Variants in R3HCC1L observed in about 807,000 individuals in gnomAD.
R3HCC1L encodes the protein R3H domain and coiled-coil containing 1 like, also known as coiled-coil domain-containing protein R3HCC1L.
R3HCC1L carries 51 observed loss-of-function variants against 59.9 expected under a neutral mutation model. The observed-to-expected ratio is 0.85, with a 90% confidence interval of 0.68 to 1.07. The LOEUF (loss-of-function observed/expected upper bound fraction) is 1.07, where lower values mean the gene tolerates loss of function less well. Ranked by LOEUF, R3HCC1L falls within the 50% of genes least tolerant of loss-of-function variation. The probability of loss-of-function intolerance (pLI) is 0.00; values close to 1 mark genes in which losing one functional copy is unlikely to be tolerated. For missense variants in R3HCC1L, 965 were observed against 933.0 expected, an observed-to-expected ratio of 1.03 and a Z score of -0.45; for synonymous variants, 322 against 315.2, an observed-to-expected ratio of 1.02 and a Z score of -0.23.
At chr10:98,191,487 T>C (rs572278510) in intron 4 of R3HCC1L, among the ~76,000 whole-genome samples, 22 of 152,312 alleles carry the variant, frequency 1.4e-4, no homozygotes, top group African/African-American at 5.1e-4. Flanking sequence ...CTTTGCCCGC[T>C]TTTGATGGGG....
intron 1 of R3HCC1L, among the ~76,000 whole-genome samples, chr10:98,142,886 G>C (rs1245138277): frequency 1.3e-5 from 2 of 152,022 alleles, no homozygotes; most frequent in African/African-American, 2.4e-5. Flanking sequence ...AGTGAGCTGA[G>C]GTTATGCCAC....
At chr10:98,177,851 A>G (rs967716709) in intron 4 of R3HCC1L, among the ~76,000 whole-genome samples, 9 of 152,162 alleles carry the variant, frequency 5.9e-5, no homozygotes, top group African/African-American at 2.2e-4. Flanking sequence ...ATCTGTTCAT[A>G]TAATTTGCCC....
At chr10:98,211,157 A>G (rs1853521409) in intron 5 of R3HCC1L, 1 of 559,258 alleles carries the variant, frequency 1.8e-6, no homozygotes, top group Non-Finnish European at 3.2e-6. Context: ...ATATGTACGT[A>G]TGTGTGTTTT....
At chr10:98,152,490 T>C (rs866483538) in intron 1 of R3HCC1L, among the ~76,000 whole-genome samples, 1,446 of 79,950 alleles carry the variant, frequency 0.018, 18 homozygotes, top group South Asian at 0.039. Flanking sequence ...CCGGCCGCCA[T>C]CCCGTCTAGG....
intron 5 of R3HCC1L, among the ~76,000 whole-genome samples, chr10:98,218,806 A>G (rs1854523897): frequency 1.3e-5 from 2 of 152,052 alleles, no homozygotes; most frequent in African/African-American, 4.8e-5. Flanking sequence ...ATTGGAGTCT[A>G]TTTCTTCCTT....
intron 5 of R3HCC1L, among the ~76,000 whole-genome samples, chr10:98,229,612 A>G (rs1856114539): frequency 6.6e-6 from 1 of 152,174 alleles, no homozygotes; most frequent in South Asian, 2.1e-4. Flanking sequence ...AACTTCCAAC[A>G]CTATGTTGAA....
chr10:98,164,019 G>A (rs1590488370), intron 4 of R3HCC1L, among the ~76,000 whole-genome samples: 1 of 151,996 alleles, frequency 6.6e-6, no homozygotes. Context: ...ATCTAATGAT[G>A]ATCTTTTGAG....
At chr10:98,176,382 C>T (rs1000398094) in intron 4 of R3HCC1L, among the ~76,000 whole-genome samples, 1 of 152,150 alleles carries the variant, frequency 6.6e-6, no homozygotes, top group African/African-American at 2.4e-5. Context: ...TGAGGCATCT[C>T]ATTTATGATC....
At chr10:98,198,549 GAA>G (rs35603748) in intron 4 of R3HCC1L, among the ~76,000 whole-genome samples, 3 of 147,204 alleles carry the variant, frequency 2.0e-5, no homozygotes, top group Admixed American at 6.8e-5. Flanking sequence ...TCGTTTTCAG[GAA>G]AAAAAAAAAA....
chr10:98,185,315 T>G (rs1452850803), intron 4 of R3HCC1L, among the ~76,000 whole-genome samples: 1 of 152,200 alleles, frequency 6.6e-6, no homozygotes, highest in African/African-American at 2.4e-5. Context: ...TTAATAATAC[T>G]TTCTCTAATG....
intron 8 of R3HCC1L, 85 bp from the exon 9 acceptor site, chr10:98,235,939 A>T (rs1203052776): frequency 5.0e-6 from 7 of 1,410,512 alleles, no homozygotes; most frequent in Admixed American, 2.1e-5. Flanking sequence ...TCTATTTTGT[A>T]TGTTAATTAC....
chr10:98,160,602 G>T (rs1472387044), intron 2 of R3HCC1L, among the ~76,000 whole-genome samples: 1 of 152,082 alleles, frequency 6.6e-6, no homozygotes, highest in Non-Finnish European at 1.5e-5. Flanking sequence ...TCTCCCTGGG[G>T]TTATGTTACT....
In R3HCC1L at chr10:98,208,435, G is replaced by C. The variant is rs1231844150; in HGVS notation, c.321G>C (p.Lys107Asn). Residue 107 changes from lysine to asparagine, a missense_variant, in exon 5 of 10, where the codon AAG (lysine) becomes AAC (asparagine). Physicochemically the swap from Lys to Asn is moderately conservative, Grantham distance 94 (BLOSUM62 0). Transcript: ENST00000298999. ...CLQKTNRVCS[K>N]RGTTESKEVL... Reference sequence around the variant, plus strand: ...AAAAAACAAATAGAGTTTGTTCTAAGAGAGGAACCACTGAATCCAAAGAAG... The same window carrying C: ...AAAAAACAAATAGAGTTTGTTCTAACAGAGGAACCACTGAATCCAAAGAAG... 3.7e-6 allele frequency: 6 copies of C among 1,614,112 alleles called. No homozygotes were observed. The Admixed American group carries it at 1.0e-4, about 27-fold the overall frequency.
Position 98,180,507 on chromosome 10 carries a change from A to G in R3HCC1L, c.-15+17110A>G, listed in dbSNP as rs200504370. Reference sequence around the variant, plus strand: ...CGTGGTCAGTTTTGGAATACGTGCCATGTGGTGCTGAGAAGAATGTATATT... The same window carrying G: ...CGTGGTCAGTTTTGGAATACGTGCCGTGTGGTGCTGAGAAGAATGTATATT... On this transcript the variant is annotated intron_variant, in intron 4 of 9. Coordinates refer to ENST00000298999, the MANE Select transcript of R3HCC1L (RefSeq NM_001351015.2). Among the ~76,000 whole-genome samples the G allele has an allele frequency of 4.6e-5, 7 of 152,258 alleles. No individual in the cohort carries two copies. The East Asian group carries it at 1.4e-3, about 29-fold the overall frequency.
intron 6 of R3HCC1L, among the ~76,000 whole-genome samples, chr10:98,233,218 A>G (rs535880220): frequency 3.3e-5 from 5 of 152,170 alleles, no homozygotes; most frequent in Non-Finnish European, 5.9e-5. Flanking sequence ...TTGAAGATCA[A>G]TTAACTCTTA....
At chr10:98,231,439 TTA>T in intron 5 of R3HCC1L, 71 bp from the exon 6 acceptor site, 2 of 1,352,058 alleles carry the variant, frequency 1.5e-6, no homozygotes, top group East Asian at 4.8e-5. Context: ...GGAGGATTGT[TTA>T]TATATAGGAA....
intron 4 of R3HCC1L, chr10:98,174,828 G>GA (rs896582769): frequency 1.1e-5 from 10 of 929,686 alleles, no homozygotes; most frequent in Non-Finnish European, 1.3e-5. Context: ...AGAAAGTCTA[G>GA]AAAAAAATGT....
intron 1 of R3HCC1L, among the ~76,000 whole-genome samples, chr10:98,152,350 A>G (rs1176094620): frequency 6.6e-6 from 1 of 151,570 alleles, no homozygotes; most frequent in Non-Finnish European, 1.5e-5. Flanking sequence ...AAGTGCTGAG[A>G]TTGCAGCCTC....
chr10:98,244,212 T>G lies in R3HCC1L; in HGVS notation c.*54T>G. The G allele has an allele frequency of 6.5e-7, 1 of 1,527,934 alleles. No homozygotes were observed. The highest frequency in any genetic ancestry group is 9.1e-7 in the Non-Finnish European group (1 of 1,102,982). 94.6% of individuals were successfully genotyped at this position (1,527,934 alleles called of 1,614,324 possible). ...TGAATCAGAAAATGTTTCCATAGCC[T>G]TCAGATAAGATGATCCTTCCAGAGC... On this transcript the variant is annotated 3_prime_UTR_variant, in exon 10 of 10. Coordinates refer to ENST00000298999, the MANE Select transcript of R3HCC1L (RefSeq NM_001351015.2).
Sources: allele counts gnomAD v4.1 joint callset (sites outside exome capture counted in the v4.1 genomes callset), GRCh38; gene constraint gnomAD v4.1.1; transcripts MANE v1.5; gene names NCBI Gene and HGNC (gene_info 2026-07-23, HGNC 2026-07-21).